XPNPEP1: variants seen among roughly 807,000 people sequenced by gnomAD.
The protein encoded by XPNPEP1 is xaa-Pro aminopeptidase 1.
XPNPEP1 carries 39 observed loss-of-function variants against 92.4 expected under a neutral mutation model. The ratio of observed to expected loss-of-function variants is 0.42; its 90% CI spans 0.33 to 0.55. XPNPEP1 has a LOEUF of 0.55. XPNPEP1 is among the 20% of genes least tolerant of loss of function. The probability of loss-of-function intolerance (pLI) is 0.08; values close to 1 mark genes in which losing one functional copy is unlikely to be tolerated. For missense variants in XPNPEP1, 654 were observed against 856.1 expected (o/e 0.76, Z 2.95); for synonymous variants, 307 against 299.4 (o/e 1.03, Z -0.26).
chr10:109,910,962 T>G (rs890338705), intron 2 of XPNPEP1, among the ~76,000 whole-genome samples: 25 of 152,396 alleles, frequency 1.6e-4, no homozygotes, highest in African/African-American at 5.3e-4. Context: ...AGGTCCTTTT[T>G]GGATCTTTTT....
At chr10:109,882,682 A>T (rs774241228) in intron 9 of XPNPEP1, 40 bp from the exon 10 acceptor site, 1 of 1,605,780 alleles carries the variant, frequency 6.2e-7, no homozygotes, top group Non-Finnish European at 8.5e-7. Flanking sequence ...AAAAGGAGGG[A>T]ACATGAGTGA....
intron 2 of XPNPEP1, among the ~76,000 whole-genome samples, chr10:109,909,912 A>G (rs1355899898): frequency 6.6e-6 from 1 of 152,208 alleles, no homozygotes; most frequent in East Asian, 1.9e-4. Context: ...CCCCAACCAG[A>G]GTAGTACATT....
chr10:109,901,761 C>T (rs1416302094), intron 3 of XPNPEP1, among the ~76,000 whole-genome samples: 11 of 152,208 alleles, frequency 7.2e-5, no homozygotes, highest in African/African-American at 2.4e-5. Context: ...AACTTGGGTA[C>T]GTGAGTCCAC....
At chr10:109,885,001 C>T (rs1259157844) in intron 8 of XPNPEP1, among the ~76,000 whole-genome samples, 3 of 152,184 alleles carry the variant, frequency 2.0e-5, no homozygotes, top group South Asian at 4.1e-4. Flanking sequence ...ACCTGGTGTT[C>T]AGGTGTGGCA....
At chr10:109,908,521 G>A (rs768871412) in intron 2 of XPNPEP1, among the ~76,000 whole-genome samples, 4 of 152,216 alleles carry the variant, frequency 2.6e-5, no homozygotes, top group Non-Finnish European at 5.9e-5. Context: ...GGAATCACTT[G>A]CACTCAGGAG....
intron 3 of XPNPEP1, among the ~76,000 whole-genome samples, chr10:109,902,188 TAAC>T (rs1849319964): frequency 6.6e-6 from 1 of 152,226 alleles, no homozygotes; most frequent in African/African-American, 2.4e-5. Context: ...ACAACAGTAA[TAAC>T]AACAATAGCG....
chr10:109,877,769 A>G, intron 14 of XPNPEP1, 21 bp downstream of exon 14: 1 of 1,614,140 alleles, frequency 6.2e-7, no homozygotes, highest in Non-Finnish European at 8.5e-7. Context: ...GCCAGGCAGC[A>G]TGCTCCTCCG....
intron 5 of XPNPEP1, among the ~76,000 whole-genome samples, chr10:109,889,755 A>C (rs931190333): frequency 6.6e-6 from 1 of 152,248 alleles, no homozygotes; most frequent in Non-Finnish European, 1.5e-5. Flanking sequence ...ACATATTCTA[A>C]AACAGTAGAA....
At chr10:109,912,415 G>T (rs573152812) in intron 2 of XPNPEP1, among the ~76,000 whole-genome samples, 70 of 152,360 alleles carry the variant, frequency 4.6e-4, no homozygotes, top group African/African-American at 1.5e-3. Context: ...AGGCAGTGAG[G>T]CAGCTACCAC....
In XPNPEP1 at chr10:109,888,068, T is replaced by C. The variant is rs187620994; in HGVS notation, c.633A>G (p.Thr211=). The C allele has an allele frequency of 3.3e-5, 54 of 1,614,050 alleles. No individual in the cohort carries two copies. The East Asian group carries it at 7.8e-4, about 23-fold the overall frequency. The stretch of plus-strand genomic sequence containing the variant: ...TCTGACCTGTGTAATCCAGGCCCAG[T>C]GTGAGGAGAGGCTTGCAAGGGCGCT... ...RPERPCKPLL[T]LGLDYTGISW... is the part of the protein sequence containing the mutation. Residue 211 remains threonine, a synonymous_variant, in exon 7 of 21, where the codon ACA becomes ACG. Transcript: ENST00000502935.
At chr10:109,910,021 GA>G (rs1849777680) in intron 2 of XPNPEP1, among the ~76,000 whole-genome samples, 1 of 152,166 alleles carries the variant, frequency 6.6e-6, no homozygotes, top group Non-Finnish European at 1.5e-5. Context: ...TATGGGTTTT[GA>G]AAAATGTGTA....
chr10:109,881,610 T>C (rs1181215809), intron 10 of XPNPEP1, among the ~76,000 whole-genome samples: 2 of 152,144 alleles, frequency 1.3e-5, no homozygotes, highest in Admixed American at 1.3e-4. Context: ...AGGGGTACAA[T>C]GGCAAGCCAG....
intron 1 of XPNPEP1, among the ~76,000 whole-genome samples, chr10:109,921,963 G>A (rs1172321788): frequency 6.6e-6 from 1 of 152,216 alleles, no homozygotes; most frequent in Non-Finnish European, 1.5e-5. Flanking sequence ...TAAGGAGAAA[G>A]TCTCCCTGAG....
chr10:109,871,824 A>G lies in XPNPEP1; in HGVS notation c.1490T>C (p.Val497Ala), dbSNP rs745515206. 1 of 1,614,198 alleles carries G rather than the reference A, an allele frequency of 6.2e-7. No homozygotes were observed. Among genetic ancestry groups the G allele is most frequent in the South Asian group, 1.1e-5 (1 of 91,088 alleles). ...TCCAGTCGGGAAAACGGCTGCACTC[A>G]CAGCTATGTGGCCCTTGAGGACATA... ...FTYVLKGHIA[V>A]SAAVFPTGTK... The change falls in exon 17 of 21, where the codon GTG becomes GCG. Residue 497 changes from valine to alanine, a missense_variant. Transcript: ENST00000502935.
intron 15 of XPNPEP1, 128 bp downstream of exon 15, chr10:109,875,400 A>C: frequency 2.8e-6 from 2 of 720,798 alleles, no homozygotes; most frequent in Non-Finnish European, 4.7e-6. Flanking sequence ...AGACACAGGA[A>C]CGATTCCATT....
intron 1 of XPNPEP1, among the ~76,000 whole-genome samples, chr10:109,920,797 C>A (rs552736284): frequency 6.6e-6 from 1 of 152,154 alleles, no homozygotes; most frequent in Admixed American, 6.5e-5. Flanking sequence ...CCTCCCACCT[C>A]AGCCTCCCAA....
chr10:109,880,298 G>A (rs1341878307), intron 11 of XPNPEP1, 60 bp from the exon 12 acceptor site: 1 of 1,571,284 alleles, frequency 6.4e-7, no homozygotes, highest in East Asian at 2.2e-5. Flanking sequence ...ACCAGATTCA[G>A]AGCCTAGCCC....
intron 20 of XPNPEP1, among the ~76,000 whole-genome samples, chr10:109,868,372 C>T (rs1015128613): frequency 2.0e-5 from 3 of 151,652 alleles, no homozygotes; most frequent in African/African-American, 7.3e-5. Flanking sequence ...AACCCTACAG[C>T]CCCAGAATGG....
At chr10:109,884,044 C>T (rs1337909978) in intron 9 of XPNPEP1, 23 bp downstream of exon 9, 23 of 1,609,560 alleles carry the variant, frequency 1.4e-5, no homozygotes, top group Non-Finnish European at 2.0e-5. Flanking sequence ...GAAGGGAGTT[C>T]CAGATGCAGG....
Sources: allele counts gnomAD v4.1 joint callset (sites outside exome capture counted in the v4.1 genomes callset), GRCh38; gene constraint gnomAD v4.1.1; transcripts MANE v1.5; gene names NCBI Gene and HGNC (gene_info 2026-07-23, HGNC 2026-07-21).